Variants in SND1 observed in about 807,000 individuals in gnomAD.
The protein encoded by SND1 is staphylococcal nuclease domain-containing protein 1.
In SND1, 38 loss-of-function variants were observed where a neutral mutation model predicts 121.7. The ratio of observed to expected loss-of-function variants is 0.31; its 90% CI spans 0.24 to 0.41. The LOEUF is 0.41. Among genes scored for constraint, SND1 ranks in the 10% least tolerant of loss-of-function variants. The pLI, the probability that SND1 is intolerant of heterozygous loss-of-function variation, is 1.00. For synonymous variants in SND1, 401 were observed against 447.4 expected (o/e 0.90, Z 1.31); for missense variants, 868 against 1,184.6 (o/e 0.73, Z 3.92).
chr7:127,898,983 G>A (rs1454384513), intron 13 of SND1, among the ~76,000 whole-genome samples: 6 of 152,092 alleles, frequency 3.9e-5, no homozygotes, highest in Non-Finnish European at 1.5e-5. Flanking sequence ...AGTCACTTTG[G>A]CATTGTCACT....
At chr7:127,889,283 G>GC (rs1460100949) in intron 13 of SND1, among the ~76,000 whole-genome samples, 4 of 151,724 alleles carry the variant, frequency 2.6e-5, no homozygotes, top group Non-Finnish European at 5.9e-5. Flanking sequence ...TTATCAGTAA[G>GC]CAAGACAGTC....
chr7:127,821,602 A>G (rs1428122686), intron 11 of SND1, among the ~76,000 whole-genome samples: 1 of 151,970 alleles, frequency 6.6e-6, no homozygotes, highest in Non-Finnish European at 1.5e-5. Context: ...TCCTTACAGG[A>G]TTTTTTTAAA....
intron 9 of SND1, among the ~76,000 whole-genome samples, chr7:127,715,316 C>T (rs966301227): frequency 1.3e-5 from 2 of 152,084 alleles, no homozygotes; most frequent in African/African-American, 4.8e-5. Flanking sequence ...AAGTCCTTTG[C>T]GCATTTGAAA....
At chr7:127,822,375 G>C (rs1439011472) in intron 11 of SND1, among the ~76,000 whole-genome samples, 1 of 152,156 alleles carries the variant, frequency 6.6e-6, no homozygotes, top group Non-Finnish European at 1.5e-5. Context: ...GTACAACTTA[G>C]AGAAAGCTTG....
chr7:127,873,609 C>T (rs1032031026), intron 12 of SND1, among the ~76,000 whole-genome samples: 1 of 152,160 alleles, frequency 6.6e-6, no homozygotes, highest in Admixed American at 6.5e-5. Flanking sequence ...CTATGCAACT[C>T]AGGCTTAGGG....
chr7:127,654,690 C>T (rs1222150725), intron 1 of SND1, among the ~76,000 whole-genome samples: 2 of 152,162 alleles, frequency 1.3e-5, no homozygotes, highest in Non-Finnish European at 2.9e-5. Flanking sequence ...TGGGTAGTGG[C>T]ATATACAATT....
chr7:127,969,125 C>A (rs1198112546), intron 15 of SND1, among the ~76,000 whole-genome samples: 1 of 152,196 alleles, frequency 6.6e-6, no homozygotes, highest in Non-Finnish European at 1.5e-5. Flanking sequence ...ACACTGGCAA[C>A]ACAGTGGAAG....
At chr7:128,026,564 G>A (rs1803483730) in intron 16 of SND1, among the ~76,000 whole-genome samples, 1 of 152,186 alleles carries the variant, frequency 6.6e-6, no homozygotes, top group Non-Finnish European at 1.5e-5. Flanking sequence ...AGCATCAGGA[G>A]ACAGACACCT....
chr7:127,877,516 G>A (rs1055723672), intron 12 of SND1, among the ~76,000 whole-genome samples: 1 of 152,066 alleles, frequency 6.6e-6, no homozygotes, highest in Admixed American at 6.6e-5. Flanking sequence ...TAATGGGTAT[G>A]CTGTTTCTCA....
intron 15 of SND1, among the ~76,000 whole-genome samples, chr7:127,933,815 GA>G (rs1201615339): frequency 6.6e-6 from 1 of 152,152 alleles, no homozygotes; most frequent in African/African-American, 2.4e-5. Context: ...CCCATTACTG[GA>G]AATAAATCAA....
intron 10 of SND1, among the ~76,000 whole-genome samples, chr7:127,741,472 G>A (rs548044570): frequency 6.6e-6 from 1 of 152,224 alleles, no homozygotes; most frequent in South Asian, 2.1e-4. Context: ...CACTGCCCAG[G>A]CCTCAACTAA....
At chr7:127,667,580 C>T (rs1453247917) in intron 1 of SND1, among the ~76,000 whole-genome samples, 1 of 152,106 alleles carries the variant, frequency 6.6e-6, no homozygotes, top group African/African-American at 2.4e-5. Flanking sequence ...GTGCTTCTCT[C>T]CTTTCTCTGG....
intron 16 of SND1, among the ~76,000 whole-genome samples, chr7:128,003,813 T>C: frequency 6.6e-6 from 1 of 151,316 alleles, no homozygotes; most frequent in South Asian, 2.1e-4. Context: ...GTTTGCTAAA[T>C]AGCTGTATCT....
At chr7:128,083,564 T>C (rs1408248773) in intron 18 of SND1, among the ~76,000 whole-genome samples, 1 of 152,232 alleles carries the variant, frequency 6.6e-6, no homozygotes, top group Non-Finnish European at 1.5e-5. Flanking sequence ...CCTGCATGCA[T>C]TGGGGATTCT....
rs532669056 is a variant in SND1, at chr7:128,029,392, A to C, written c.1779+38336A>C. 8.7e-6 allele frequency: 14 copies of C among 1,614,180 alleles called. No individual in the cohort carries two copies. The South Asian group carries it at 1.5e-4, about 18-fold the overall frequency. ...ATGCATGTGTACACCCCAGTGTCTG[A>C]AAGCAGCACGTGGGAAAAGTTCAAG... On this transcript the variant is annotated intron_variant, in intron 16 of 23. Coordinates refer to ENST00000354725, the MANE Select transcript of SND1 (RefSeq NM_014390.4). The surrounding 1 kb of genome is among the most constrained non-coding windows in gnomAD (Gnocchi z 4.2).
chr7:128,022,417 A>G (rs556092695), intron 16 of SND1, among the ~76,000 whole-genome samples: 6 of 152,246 alleles, frequency 3.9e-5, no homozygotes, highest in South Asian at 2.1e-4. Flanking sequence ...TCTCATATCA[A>G]TGCTTCCCTG....
At chr7:127,898,973 A>T (rs1432434269) in intron 13 of SND1, among the ~76,000 whole-genome samples, 1 of 152,094 alleles carries the variant, frequency 6.6e-6, no homozygotes, top group Admixed American at 6.6e-5. Context: ...TTTGCCCTAC[A>T]GTCACTTTGG....
At chr7:127,826,402 A>G (rs563120222) in intron 11 of SND1, among the ~76,000 whole-genome samples, 17 of 152,254 alleles carry the variant, frequency 1.1e-4, no homozygotes, top group Admixed American at 2.0e-4. Context: ...ATTGGTATCA[A>G]CTAGATTCAC....
chr7:128,064,658 C>T (rs892182919), intron 16 of SND1, among the ~76,000 whole-genome samples: 2 of 152,160 alleles, frequency 1.3e-5, no homozygotes, highest in East Asian at 1.9e-4. Context: ...GCACTAGAGG[C>T]GAAAGTTGAG....
Sources: gnomAD v4.1 joint callset for allele counts (sites outside exome capture counted in the v4.1 genomes callset) on GRCh38, gnomAD v4.1.1 for gene constraint, Gnocchi (gnomAD v3.1) non-coding constraint, MANE v1.5 for transcripts, NCBI Gene and HGNC (gene_info 2026-07-23, HGNC 2026-07-21) for gene names.